The following SYNJ2 variants were observed in gnomAD, a reference collection of about 807,000 sequenced individuals.
The protein encoded by SYNJ2 is synaptojanin 2.
Under a neutral mutation model 141.3 loss-of-function variants are expected in SYNJ2, and 116 were observed. That is an observed-to-expected ratio of 0.82 (90% CI 0.71 to 0.96). The LOEUF is 0.96. Among genes scored for constraint, SYNJ2 ranks in the 40% least tolerant of loss-of-function variants. The probability of loss-of-function intolerance (pLI) is 0.00; values close to 1 mark genes in which losing one functional copy is unlikely to be tolerated. For synonymous variants in SYNJ2, 745 were observed against 777.7 expected (o/e 0.96, Z 0.70); for missense variants, 1,873 against 1,934.8 (o/e 0.97, Z 0.60).
At position 158,043,526 on chromosome 6, in the gene SYNJ2, C is replaced by G; in HGVS notation, c.795+127C>G. The G allele has an allele frequency of 1.5e-6, 1 of 685,102 alleles. No individual in the cohort carries two copies. 42.4% of individuals were successfully genotyped at this position (685,102 alleles called of 1,614,324 possible). On this transcript the variant is annotated intron_variant, in intron 5 of 26. Coordinates refer to ENST00000355585, the MANE Select transcript of SYNJ2 (RefSeq NM_003898.4). The surrounding 1 kb of genome is among the most constrained non-coding windows in gnomAD (Gnocchi z 4.0). ...CATAGTTTCCAGTCTTTTTCCTCAG[C>G]CCTGTTGTGTTGAGCTGAGCTATCA...
Position 158,028,832 on chromosome 6 carries a change from C to A in SYNJ2, c.291C>A (p.Tyr97Ter). ...GCAGAATTCCAGATGCTGAAATCTA[C>A]AAAATCACTGCCACTGACTTTTACC... ...SVGRIPDAEI[Y>*]KITATDFYPL... The change falls in exon 3 of 27, where the codon TAC becomes TAA. Residue 97 changes from tyrosine (Y) to a stop codon, truncating the protein, a stop_gained. Transcript: ENST00000355585. LOFTEE classifies it high-confidence loss of function. The A allele has an allele frequency of 6.2e-7, 1 of 1,614,210 alleles. No individual in the cohort carries two copies. The highest frequency in any genetic ancestry group is 1.1e-5 in the South Asian group (1 of 91,078).
intron 1 of SYNJ2, among the ~76,000 whole-genome samples, chr6:158,000,706 A>T (rs899673609): frequency 1.3e-5 from 2 of 150,210 alleles, no homozygotes; most frequent in Non-Finnish European, 3.0e-5. Context: ...AACCCCCGCC[A>T]CCCCTGACCT....
chr6:157,984,194 A>T (rs908094810), intron 1 of SYNJ2, among the ~76,000 whole-genome samples: 3 of 152,254 alleles, frequency 2.0e-5, no homozygotes, highest in Admixed American at 6.5e-5. Context: ...AACTATTTTT[A>T]AAAAGCAGCT....
chr6:158,028,640 T>A, intron 2 of SYNJ2, 116 bp from the exon 3 acceptor site: 1 of 1,379,756 alleles, frequency 7.2e-7, no homozygotes. Flanking sequence ...AAGTTGCAGG[T>A]GCACAGACGT....
chr6:158,091,642 C>T (rs1004077621), intron 25 of SYNJ2, among the ~76,000 whole-genome samples: 6 of 151,036 alleles, frequency 4.0e-5, no homozygotes, highest in African/African-American at 1.5e-4. Context: ...CCCAGTTACT[C>T]GGGAGGCTGA....
chr6:158,002,497 A>G (rs888991013), intron 1 of SYNJ2: 2 of 152,252 alleles, frequency 1.3e-5, no homozygotes, highest in African/African-American at 4.8e-5. Flanking sequence ...GTTCAGGAAG[A>G]AGTGAGTGAA....
At chr6:158,078,712 C>G (rs1013238964) in intron 18 of SYNJ2, 2 of 153,498 alleles carry the variant, frequency 1.3e-5, no homozygotes, top group African/African-American at 4.8e-5. Context: ...CTTATCCATT[C>G]ACCTCTTGAT....
At chr6:158,038,853 G>C (rs1779779564) in intron 4 of SYNJ2, among the ~76,000 whole-genome samples, 1 of 152,200 alleles carries the variant, frequency 6.6e-6, no homozygotes, top group Non-Finnish European at 1.5e-5. Context: ...CAGAGCCAGG[G>C]CAGGGAGAAG....
chr6:157,989,631 T>C (rs1020120054), intron 1 of SYNJ2, among the ~76,000 whole-genome samples: 62 of 151,908 alleles, frequency 4.1e-4, no homozygotes, highest in African/African-American at 1.4e-3. Flanking sequence ...GAAACATGCT[T>C]GAAGCCCACG....
At chr6:158,055,681 GTC>G (rs930929288) in intron 6 of SYNJ2, among the ~76,000 whole-genome samples, 17 of 152,196 alleles carry the variant, frequency 1.1e-4, no homozygotes, top group Non-Finnish European at 2.2e-4. Flanking sequence ...TTTTAAAATT[GTC>G]TTAGTGAATA....
rs190730684 is a variant in SYNJ2, at chr6:158,066,509, C to T, written c.1591C>T (p.Arg531Trp). The change falls in exon 12 of 27, where the codon CGG becomes TGG. Residue 531 changes from arginine (R) to tryptophan (W), a missense_variant. Coordinates refer to ENST00000355585, the MANE Select transcript of SYNJ2 (RefSeq NM_003898.4). ...QSEFTNFKRIRIAMGTWNVNG... is the reference protein window; with the variant it reads ...QSEFTNFKRIWIAMGTWNVNG... Reference sequence around the variant, plus strand: ...CGAATTCACAAATTTCAAGCGGATCCGGATTGCTATGGGGACCTGGAACGT... The same window carrying T: ...CGAATTCACAAATTTCAAGCGGATCTGGATTGCTATGGGGACCTGGAACGT... 10 of 1,614,134 alleles carry T rather than the reference C, an allele frequency of 6.2e-6. No individual in the cohort carries two copies. In the Admixed American group the frequency reaches 6.7e-5, roughly 11 times the overall value.
intron 9 of SYNJ2, 106 bp downstream of exon 9, chr6:158,063,978 C>A: frequency 3.4e-6 from 4 of 1,160,840 alleles, no homozygotes; most frequent in Non-Finnish European, 5.0e-6. Context: ...GTGGCATCAC[C>A]AAGACAACCT....
chr6:157,987,548 C>T (rs984331120), intron 1 of SYNJ2, among the ~76,000 whole-genome samples: 7 of 151,786 alleles, frequency 4.6e-5, no homozygotes, highest in East Asian at 1.9e-4. Context: ...ACTACAGGCG[C>T]GTGCCATCAC....
At chr6:158,074,789 A>C in intron 16 of SYNJ2, 51 bp downstream of exon 16, 3 of 1,596,098 alleles carry the variant, frequency 1.9e-6, no homozygotes, top group Non-Finnish European at 2.6e-6. Context: ...AGATGGAATG[A>C]CATCTGTGAG....
intron 1 of SYNJ2, among the ~76,000 whole-genome samples, chr6:157,989,427 AATATATATATATAT>A (rs34948131): frequency 0.048 from 4,610 of 96,278 alleles, 341 homozygotes; most frequent in African/African-American, 0.15. Context: ...TAAAAAAATG[AATATATATATATAT>A]ATATATATAT....
intron 1 of SYNJ2, among the ~76,000 whole-genome samples, chr6:157,995,906 A>G (rs1257718910): frequency 6.6e-6 from 1 of 152,216 alleles, no homozygotes; most frequent in Non-Finnish European, 1.5e-5. Context: ...AACAAAGTGT[A>G]TAAGGCCTAA....
chr6:157,985,167 G>C (rs141031180), intron 1 of SYNJ2, among the ~76,000 whole-genome samples: 7 of 152,368 alleles, frequency 4.6e-5, no homozygotes, highest in Non-Finnish European at 7.3e-5. Context: ...ACAGGGGCTT[G>C]AACTGGGCTG....
At chr6:158,000,269 G>A (rs192669903) in intron 1 of SYNJ2, among the ~76,000 whole-genome samples, 3 of 152,176 alleles carry the variant, frequency 2.0e-5, no homozygotes, top group Admixed American at 1.3e-4. Context: ...GCCTCTGTAC[G>A]TAAGAGCAGA....
intron 1 of SYNJ2, among the ~76,000 whole-genome samples, chr6:158,006,780 C>A (rs1167932099): frequency 6.6e-6 from 1 of 152,164 alleles, no homozygotes; most frequent in Non-Finnish European, 1.5e-5. Context: ...TCAAGTGATT[C>A]TCCTGCCTCA....
Sources: allele counts gnomAD v4.1 joint callset (sites outside exome capture counted in the v4.1 genomes callset), GRCh38; gene constraint gnomAD v4.1.1; non-coding constraint Gnocchi (gnomAD v3.1); transcripts MANE v1.5; gene names NCBI Gene and HGNC (gene_info 2026-07-23, HGNC 2026-07-21).